The following TLE1 variants were observed in gnomAD, a reference collection of about 807,000 sequenced individuals.
The protein encoded by TLE1 is transducin-like enhancer protein 1.
A neutral mutation model predicts 89.8 loss-of-function variants in TLE1; 21 were observed. That is an observed-to-expected ratio of 0.23 (90% CI 0.17 to 0.34). The LOEUF is 0.34. Ranked by LOEUF, TLE1 falls within the 10% of genes least tolerant of loss-of-function variation. The pLI is 1.00. For synonymous variants in TLE1, 447 were observed against 407.6 expected, an observed-to-expected ratio of 1.10 and a Z score of -1.16; for missense variants, 795 against 1,031.2, an observed-to-expected ratio of 0.77 and a Z score of 3.14.
At chr9:81,606,352 C>T (rs968032052) in intron 14 of TLE1, among the ~76,000 whole-genome samples, 1 of 152,168 alleles carries the variant, frequency 6.6e-6, no homozygotes, top group Non-Finnish European at 1.5e-5. Context: ...TTCAAAACAG[C>T]AAAGACTTGG....
At chr9:81,615,834 A>G in intron 11 of TLE1, 148 bp downstream of exon 11, 1 of 1,038,672 alleles carries the variant, frequency 9.6e-7, no homozygotes, top group Non-Finnish European at 1.4e-6. Context: ...AATGGTGACA[A>G]AGAACAGAAG....
At chr9:81,624,336 A>C (rs951717179) in intron 8 of TLE1, among the ~76,000 whole-genome samples, 1 of 152,100 alleles carries the variant, frequency 6.6e-6, no homozygotes, top group Non-Finnish European at 1.5e-5. Context: ...CAGAACCCAA[A>C]ATTAACACTG....
In TLE1 at chr9:81,688,381, G is replaced by C. The variant is rs1341048020; in HGVS notation, c.-141C>G. On this transcript the variant is annotated 5_prime_UTR_variant, in exon 1 of 20. Transcript: ENST00000376499. The stretch of plus-strand genomic sequence containing the variant: ...GCTGGCCACGCACGCGCGCTCCGCC[G>C]GGCGCACCGGCCACTCGGCGCCCGC... 7 of 974,612 alleles carry C rather than the reference G, an allele frequency of 7.2e-6. No individual in the cohort carries two copies. The South Asian group carries it at 1.3e-4, about 19-fold the overall frequency. The allele number at this position is 974,612 out of a possible 1,614,324, so 60.4% of individuals were successfully genotyped here.
At position 81,688,460 on chromosome 9, in the gene TLE1, T is replaced by A. The variant is rs1834663562; in HGVS notation, c.-220A>T. On this transcript the variant is annotated 5_prime_UTR_variant, in exon 1 of 20. It removes an upstream start codon present in the reference 5' UTR. Transcript: ENST00000376499. ...GCGGGCTCCGGCCCTCAGGGCCACA[T>A]TAGTGGGCGCCCCAGGCCCAGCTGC... 2.2e-6 allele frequency: 1 copy of A among 461,832 alleles called. No homozygotes were observed. Among genetic ancestry groups the A allele is most frequent in the Non-Finnish European group, 3.7e-6 (1 of 267,024 alleles). 28.6% of individuals were successfully genotyped at this position (461,832 alleles called of 1,614,324 possible).
intron 6 of TLE1, among the ~76,000 whole-genome samples, chr9:81,647,689 C>T (rs190016533): frequency 2.0e-5 from 3 of 152,194 alleles, no homozygotes; most frequent in South Asian, 4.2e-4. Flanking sequence ...GGAAGGTAGA[C>T]GGTATTACCA....
chr9:81,648,049 A>T (rs1194744227), intron 6 of TLE1, among the ~76,000 whole-genome samples: 3 of 152,102 alleles, frequency 2.0e-5, no homozygotes, highest in Non-Finnish European at 4.4e-5. Context: ...AGGCGGGTGG[A>T]TCACCTAAGT....
chr9:81,644,863 G>A (rs147759580), intron 6 of TLE1, among the ~76,000 whole-genome samples: 84 of 151,616 alleles, frequency 5.5e-4, no homozygotes, highest in African/African-American at 1.8e-3. Flanking sequence ...GCATGGTGGT[G>A]TGTGCCTGTA....
At chr9:81,655,080 G>GA (rs1830002613) in intron 4 of TLE1, among the ~76,000 whole-genome samples, 2 of 151,972 alleles carry the variant, frequency 1.3e-5, no homozygotes, top group South Asian at 4.2e-4. Flanking sequence ...AAGAAGGCAG[G>GA]AAAGGCCGGG....
At chr9:81,586,080 T>G (rs1587840437) in intron 17 of TLE1, among the ~76,000 whole-genome samples, 1 of 148,378 alleles carries the variant, frequency 6.7e-6, no homozygotes, top group Non-Finnish European at 1.5e-5. Flanking sequence ...TGAAGCGGCG[T>G]TATCTCGGCT....
chr9:81,666,313 G>A (rs978684347), intron 4 of TLE1, among the ~76,000 whole-genome samples: 12 of 152,152 alleles, frequency 7.9e-5, no homozygotes, highest in Non-Finnish European at 1.3e-4. Flanking sequence ...CTCTCCCTGG[G>A]CCACACCCCA....
chr9:81,645,804 C>G (rs896949166), intron 6 of TLE1, among the ~76,000 whole-genome samples: 1 of 152,118 alleles, frequency 6.6e-6, no homozygotes. Context: ...ATACCCCATT[C>G]TTTATGATGT....
intron 8 of TLE1, among the ~76,000 whole-genome samples, chr9:81,628,975 G>C (rs111635993): frequency 6.6e-6 from 1 of 152,122 alleles, no homozygotes; most frequent in Non-Finnish European, 1.5e-5. Flanking sequence ...TCTATACACC[G>C]TCTGCTCTGG....
rs755017197 is a variant in TLE1 at position 81,584,256 on chromosome 9, T to C, written c.2255A>G (p.Lys752Arg). The C allele has an allele frequency of 2.5e-6, 4 of 1,614,086 alleles. No individual in the cohort carries two copies. In the East Asian group the frequency reaches 8.9e-5, roughly 36 times the overall value. Reference protein sequence around the residue: ...VLSCDISVDDKYIVTGSGDKK... With the variant: ...VLSCDISVDDRYIVTGSGDKK... Reference sequence around the variant, plus strand: ...GTCCCCCGAGCCAGTGACTATGTACTTATCATCCACAGAGATGTCACAGCT... The same window carrying C: ...GTCCCCCGAGCCAGTGACTATGTACCTATCATCCACAGAGATGTCACAGCT... The change falls in exon 20 of 20, where the codon AAG becomes AGG. Residue 752 changes from lysine (K) to arginine (R), a missense_variant. Coordinates refer to ENST00000376499, the MANE Select transcript of TLE1 (RefSeq NM_005077.5).
intron 14 of TLE1, among the ~76,000 whole-genome samples, chr9:81,593,534 T>C (rs1296778995): frequency 2.0e-5 from 3 of 152,182 alleles, no homozygotes; most frequent in African/African-American, 7.2e-5. Flanking sequence ...AAATTGTTCT[T>C]ACCCATTCTG....
At chr9:81,646,218 T>C (rs1828844774) in intron 6 of TLE1, among the ~76,000 whole-genome samples, 1 of 152,184 alleles carries the variant, frequency 6.6e-6, no homozygotes, top group Non-Finnish European at 1.5e-5. Flanking sequence ...ATGACAATAA[T>C]CCGGACACTG....
In TLE1 at chr9:81,610,233, G is replaced by C; in HGVS notation, c.1318C>G (p.Pro440Ala). The C allele has an allele frequency of 3.7e-6, 6 of 1,613,880 alleles. No individual in the cohort carries two copies. Among genetic ancestry groups the C allele is most frequent in the Non-Finnish European group, 5.1e-6 (6 of 1,179,942 alleles). The change falls in exon 14 of 20, where the codon CCT becomes GCT. Residue 440 changes from proline to alanine, a missense_variant. This residue lies in a region of TLE1 where 468 missense variants were observed against 509.1 expected (regional missense o/e 0.92). Coordinates refer to ENST00000376499, the MANE Select transcript of TLE1 (RefSeq NM_005077.5). ...PTIPPNLAGI[P>A]GGKPAYSFHV... ...TGAGGTACTTACGGTTTCCCCCCAG[G>C]GATTCCTGCCAGGTTTGGAGGAATG...
chr9:81,676,460 G>A (rs932577922), intron 4 of TLE1, among the ~76,000 whole-genome samples: 1 of 152,170 alleles, frequency 6.6e-6, no homozygotes, highest in Non-Finnish European at 1.5e-5. Context: ...AGGAGACTGA[G>A]GAAGGCCATC....
At chr9:81,630,327 A>AT (rs1826414111) in intron 8 of TLE1, among the ~76,000 whole-genome samples, 1 of 152,186 alleles carries the variant, frequency 6.6e-6, no homozygotes, top group Non-Finnish European at 1.5e-5. Flanking sequence ...TTAAAACTCA[A>AT]TAAACTACAA....
chr9:81,666,925 C>T (rs1831541447), intron 4 of TLE1, among the ~76,000 whole-genome samples: 1 of 152,152 alleles, frequency 6.6e-6, no homozygotes, highest in Non-Finnish European at 1.5e-5. Context: ...CAAGACCAGC[C>T]TGGGCAACAT....
Sources: gnomAD v4.1 joint callset for allele counts (sites outside exome capture counted in the v4.1 genomes callset) on GRCh38, gnomAD v4.1.1 for gene constraint, gnomAD v4.1.1 regional missense constraint, MANE v1.5 for transcripts, NCBI Gene and HGNC (gene_info 2026-07-23, HGNC 2026-07-21) for gene names.